The following TENM2 variants were observed in gnomAD, a reference collection of about 807,000 sequenced individuals.
TENM2 encodes teneurin-2.
Under a neutral mutation model 245.2 loss-of-function variants are expected in TENM2, and 52 were observed. That is an observed-to-expected ratio of 0.21 (90% CI 0.17 to 0.27). The LOEUF is 0.27. Ranked by LOEUF, TENM2 falls within the 10% of genes least tolerant of loss-of-function variation. TENM2 has a pLI of 1.00. For synonymous variants in TENM2, 1,363 were observed against 1,438.9 expected, an observed-to-expected ratio of 0.95 and a Z score of 1.19; for missense variants, 3,046 against 3,666.8, an observed-to-expected ratio of 0.83 and a Z score of 4.37.
At chr5:168,198,256 C>T (rs1196891460) in intron 15 of TENM2, among the ~76,000 whole-genome samples, 3 of 132,056 alleles carry the variant, frequency 2.3e-5, no homozygotes, top group Admixed American at 8.9e-5. Context: ...AGTACAGTGG[C>T]GCAATCTCGG....
intron 1 of TENM2, among the ~76,000 whole-genome samples, chr5:167,348,851 C>G (rs1009943126): frequency 1.1e-4 from 16 of 152,162 alleles, no homozygotes; most frequent in Admixed American, 2.0e-4. Flanking sequence ...TATCTTCTTT[C>G]AGTTCGTGAT....
chr5:167,921,088 A>C lies in TENM2; in HGVS notation c.713-31500A>C, dbSNP rs569735549. Among the ~76,000 whole-genome samples, 167 of 152,380 alleles carry C rather than the reference A, an allele frequency of 1.1e-3. 1 individual carries two copies. Among genetic ancestry groups the C allele is most frequent in the African/African-American group, 3.8e-3 (158 of 41,600 alleles). ...TGGACTGAGGCTTAGGCCTTATATC[A>C]AATCAACCATCTAAGAAAATATATG... On this transcript the variant is annotated intron_variant, in intron 3 of 28. Transcript: ENST00000518659.
intron 3 of TENM2, among the ~76,000 whole-genome samples, chr5:167,899,333 T>C (rs1775502248): frequency 6.6e-6 from 1 of 152,106 alleles, no homozygotes; most frequent in South Asian, 2.1e-4. Flanking sequence ...TTGCCAGCAA[T>C]ACCAAACGCC....
chr5:168,162,808 T>C (rs754080204), intron 13 of TENM2, 51 bp downstream of exon 15: 143 of 1,590,298 alleles, frequency 9.0e-5, no homozygotes, highest in Non-Finnish European at 1.1e-4. Flanking sequence ...GCGTTGTCCA[T>C]GCTTTTGTCA....
At chr5:168,144,221 G>A (rs1201343326) in intron 12 of TENM2, among the ~76,000 whole-genome samples, 2 of 151,480 alleles carry the variant, frequency 1.3e-5, no homozygotes, top group Non-Finnish European at 2.9e-5. Context: ...GGGTACATGT[G>A]CACATTGTGC....
At chr5:167,897,218 A>G (rs1485375988) in intron 3 of TENM2, among the ~76,000 whole-genome samples, 1 of 151,942 alleles carries the variant, frequency 6.6e-6, no homozygotes, top group African/African-American at 2.4e-5. Context: ...TTAGCAAGCA[A>G]TGAGGACCCG....
chr5:167,982,756 A>T (rs1467908202), intron 4 of TENM2, among the ~76,000 whole-genome samples: 1 of 152,170 alleles, frequency 6.6e-6, no homozygotes, highest in African/African-American at 2.4e-5. Flanking sequence ...TACTATGAAG[A>T]GGGAAGGGTA....
At chr5:168,018,505 G>A (rs1409046300) in intron 5 of TENM2, among the ~76,000 whole-genome samples, 1 of 150,912 alleles carries the variant, frequency 6.6e-6, no homozygotes, top group African/African-American at 2.4e-5. Flanking sequence ...TGACAATTTT[G>A]AGCTGGAGTA....
chr5:167,910,424 T>A (rs1458671744), intron 3 of TENM2, among the ~76,000 whole-genome samples: 1 of 152,074 alleles, frequency 6.6e-6, no homozygotes, highest in Non-Finnish European at 1.5e-5. Context: ...CTTCAAAATG[T>A]GATTAAATAT....
intron 1 of TENM2, among the ~76,000 whole-genome samples, chr5:167,339,054 A>T (rs1034294706): frequency 6.6e-6 from 1 of 152,116 alleles, no homozygotes; most frequent in African/African-American, 2.4e-5. Context: ...GTCTCCCTAG[A>T]TTTGTGTTCT....
rs116615950 is a variant in TENM2, at chr5:167,380,522, G to C, written c.502+5049G>C. 5.3e-3 allele frequency among the ~76,000 whole-genome samples: 806 copies of C among 152,210 alleles called. 8 individuals are homozygous for C. Among genetic ancestry groups the C allele is most frequent in the African/African-American group, 0.019 (771 of 41,542 alleles). ...CCAGATTATAAACTTTAGTGGCATG[G>C]TCTTTAGTTATTTATATATTTCTTT... On this transcript the variant is annotated intron_variant, in intron 2 of 28. Transcript: ENST00000518659.
At chr5:167,884,283 A>G (rs551843483) in intron 3 of TENM2, among the ~76,000 whole-genome samples, 3 of 152,180 alleles carry the variant, frequency 2.0e-5, no homozygotes, top group Non-Finnish European at 4.4e-5. Flanking sequence ...CATTTATACT[A>G]TTTTTAAGTG....
chr5:167,833,628 C>T (rs1054529761), intron 2 of TENM2, among the ~76,000 whole-genome samples: 1 of 152,210 alleles, frequency 6.6e-6, no homozygotes, highest in Non-Finnish European at 1.5e-5. Context: ...TGAAACATCT[C>T]TAACAAAGAG....
intron 13 of TENM2, among the ~76,000 whole-genome samples, chr5:168,168,206 G>A (rs545147180): frequency 6.6e-6 from 1 of 152,290 alleles, no homozygotes; most frequent in Non-Finnish European, 1.5e-5. Context: ...TGATACAAGT[G>A]TGTTTGCTCT....
chr5:167,898,993 AG>A (rs1180888310), intron 3 of TENM2, among the ~76,000 whole-genome samples: 1 of 152,078 alleles, frequency 6.6e-6, no homozygotes, highest in Non-Finnish European at 1.5e-5. Flanking sequence ...TTCAGGGAAG[AG>A]AGGCAAGAGG....
intron 3 of TENM2, among the ~76,000 whole-genome samples, chr5:167,900,886 G>C (rs1775647766): frequency 6.6e-6 from 1 of 151,298 alleles, no homozygotes; most frequent in Admixed American, 6.6e-5. Context: ...CCACCTGGGG[G>C]ACTTTTCTGT....
intron 14 of TENM2, among the ~76,000 whole-genome samples, chr5:168,194,776 G>A (rs1761250737): frequency 6.6e-6 from 1 of 151,940 alleles, no homozygotes; most frequent in Admixed American, 6.6e-5. Context: ...GAGTAACATG[G>A]CCATCCTCCA....
chr5:168,211,694 CTGT>C, intron 19 of TENM2, 37 bp from the exon 22 acceptor site: 1 of 1,223,702 alleles, frequency 8.2e-7, no homozygotes, highest in Admixed American at 2.5e-5. Flanking sequence ...CTTCTGCTAA[CTGT>C]TTGTTCTTTT....
intron 1 of TENM2, among the ~76,000 whole-genome samples, chr5:167,331,741 G>A (rs909925279): frequency 4.6e-5 from 7 of 152,162 alleles, no homozygotes; most frequent in East Asian, 1.9e-4. Flanking sequence ...TGTGAGCACC[G>A]TTGAGTCAAG....
Sources: allele counts gnomAD v4.1 joint callset (sites outside exome capture counted in the v4.1 genomes callset), GRCh38; gene constraint gnomAD v4.1.1; transcripts MANE v1.5; gene names NCBI Gene and HGNC (gene_info 2026-07-23, HGNC 2026-07-21).